Variants in ARHGEF28 observed in about 807,000 individuals in gnomAD.
ARHGEF28 encodes the protein 190 kDa guanine nucleotide exchange factor.
In ARHGEF28, 152 loss-of-function variants were observed where a neutral mutation model predicts 206.6. The ratio of observed to expected loss-of-function variants is 0.74; its 90% CI spans 0.64 to 0.84. The LOEUF is 0.84. Among genes scored for constraint, ARHGEF28 ranks in the 40% least tolerant of loss-of-function variants. The pLI is 0.00. For synonymous variants in ARHGEF28, 763 were observed against 776.4 expected, an observed-to-expected ratio of 0.98 and a Z score of 0.29; for missense variants, 2,028 against 2,073.2, an observed-to-expected ratio of 0.98 and a Z score of 0.42.
In ARHGEF28 at chr5:73,887,573, A is replaced by C. The variant is rs186943826; in HGVS notation, c.3311-30A>C. 492 of 1,497,554 alleles carry C rather than the reference A, an allele frequency of 3.3e-4. 3 individuals carry two copies. In the African/African-American group the frequency reaches 5.7e-3, roughly 17 times the overall value. 92.8% of individuals were successfully genotyped at this position (1,497,554 alleles called of 1,614,324 possible). ...GTTTATTTGAACTGTGGTTTGCTTC[A>C]TTAATACTAGTAATGTTTTTTCTTT... On this transcript the variant is annotated intron_variant, in intron 25 of 35. Coordinates refer to ENST00000513042, the MANE Select transcript of ARHGEF28 (RefSeq NM_001177693.2).
chr5:73,720,501 T>G (rs892988781), intron 2 of ARHGEF28, among the ~76,000 whole-genome samples: 1 of 152,034 alleles, frequency 6.6e-6, no homozygotes, highest in African/African-American at 2.4e-5. Context: ...ATCCAGGGAT[T>G]TCAGAGGTGA....
intron 35 of ARHGEF28, among the ~76,000 whole-genome samples, chr5:73,931,442 T>G (rs754274676): frequency 6.6e-5 from 10 of 152,158 alleles, no homozygotes; most frequent in Admixed American, 3.9e-4. Flanking sequence ...TTCTCTTCAG[T>G]TTTTTCTTAC....
At chr5:73,832,926 T>A (rs1450400612) in intron 10 of ARHGEF28, among the ~76,000 whole-genome samples, 1 of 152,226 alleles carries the variant, frequency 6.6e-6, no homozygotes, top group East Asian at 1.9e-4. Context: ...TCTATTAACA[T>A]GTAGTAAGAT....
chr5:73,742,748 C>T (rs974817326), intron 2 of ARHGEF28, among the ~76,000 whole-genome samples: 1 of 147,528 alleles, frequency 6.8e-6, no homozygotes, highest in Non-Finnish European at 1.5e-5. Context: ...GGCGTGAACC[C>T]GGGAAGCAGA....
chr5:73,732,528 T>C (rs1034646827), intron 2 of ARHGEF28, among the ~76,000 whole-genome samples: 2 of 152,244 alleles, frequency 1.3e-5, no homozygotes, highest in African/African-American at 4.8e-5. Context: ...TGAATAGAGC[T>C]GCTGTAAACA....
At chr5:73,918,445 G>A (rs867005968) in intron 35 of ARHGEF28, among the ~76,000 whole-genome samples, 11 of 152,266 alleles carry the variant, frequency 7.2e-5, no homozygotes, top group Middle Eastern at 6.8e-3. Flanking sequence ...TTCACCTTTG[G>A]GTGAATTAAT....
chr5:73,715,667 T>C (rs1334697604), intron 2 of ARHGEF28, among the ~76,000 whole-genome samples: 1 of 152,240 alleles, frequency 6.6e-6, no homozygotes, highest in Non-Finnish European at 1.5e-5. Context: ...AAATAGATTT[T>C]ACCTATAGCT....
At position 73,867,936 on chromosome 5, in the gene ARHGEF28, C is replaced by T; in HGVS notation, c.2213C>T (p.Pro738Leu). 1 of 1,613,988 alleles carries T rather than the reference C, an allele frequency of 6.2e-7. No individual in the cohort carries two copies. Among genetic ancestry groups the T allele is most frequent in the Non-Finnish European group, 8.5e-7 (1 of 1,179,876 alleles). The change falls in exon 19 of 36, where the codon CCT becomes CTT. Residue 738 changes from proline to leucine, a missense_variant. Coordinates refer to ENST00000513042, the MANE Select transcript of ARHGEF28 (RefSeq NM_001177693.2). ...GLSLHPSSSV[P>L]VGLPTGRRET... The stretch of plus-strand genomic sequence containing the variant: ...TCCTTGCACCCTTCTTCCTCCGTGC[C>T]TGTTGGATTGCCGACTGGAAGGAGG...
intron 9 of ARHGEF28, among the ~76,000 whole-genome samples, chr5:73,808,872 C>G (rs1755668541): frequency 6.6e-6 from 1 of 152,128 alleles, no homozygotes; most frequent in East Asian, 1.9e-4. Context: ...CTGTTTCTGT[C>G]TTGGTATAGT....
intron 9 of ARHGEF28, among the ~76,000 whole-genome samples, chr5:73,806,487 A>C (rs1755472928): frequency 7.9e-6 from 1 of 126,894 alleles, no homozygotes; most frequent in Non-Finnish European, 1.6e-5. Flanking sequence ...ATCTATATAT[A>C]GTATGTATAT....
intron 1 of ARHGEF28, among the ~76,000 whole-genome samples, chr5:73,639,564 T>C (rs1743942829): frequency 6.6e-6 from 1 of 152,158 alleles, no homozygotes. Flanking sequence ...AGCCATAGTC[T>C]CTTTATTGAA....
In ARHGEF28 at chr5:73,781,822, G is replaced by A. The variant is rs530729996; in HGVS notation, c.910+1077G>A. Among the ~76,000 whole-genome samples the A allele has an allele frequency of 2.0e-5, 3 of 152,162 alleles. No individual in the cohort carries two copies. The East Asian group carries it at 5.8e-4, about 29-fold the overall frequency. On this transcript the variant is annotated intron_variant, in intron 7 of 35. Coordinates refer to ENST00000513042, the MANE Select transcript of ARHGEF28 (RefSeq NM_001177693.2). ...TTATATTGATTTTTATTTTTAATTA[G>A]ACATGAAGATAAGGTTATATGTATC... is the stretch of plus-strand genomic sequence containing the variant.
chr5:73,727,701 C>T (rs889669405), intron 2 of ARHGEF28, among the ~76,000 whole-genome samples: 7 of 152,184 alleles, frequency 4.6e-5, no homozygotes, highest in Middle Eastern at 3.2e-3. Flanking sequence ...CTGTCATATC[C>T]TCTCGTTAAG....
At chr5:73,748,395 G>T (rs921638809) in intron 2 of ARHGEF28, among the ~76,000 whole-genome samples, 2 of 151,962 alleles carry the variant, frequency 1.3e-5, no homozygotes, top group African/African-American at 2.4e-5. Flanking sequence ...CATAATTTCC[G>T]ATAACTGTGT....
At chr5:73,707,722 A>C (rs1749018334) in intron 2 of ARHGEF28, among the ~76,000 whole-genome samples, 1 of 152,162 alleles carries the variant, frequency 6.6e-6, no homozygotes. Flanking sequence ...TCTTGGAAGA[A>C]TCTCTCTCCA....
At chr5:73,760,614 T>A (rs974943973) in intron 4 of ARHGEF28, among the ~76,000 whole-genome samples, 1 of 152,250 alleles carries the variant, frequency 6.6e-6, no homozygotes, top group Non-Finnish European at 1.5e-5. Context: ...AAAATTGTTT[T>A]ACAGTTCTCA....
chr5:73,809,127 C>A (rs2112514381), intron 9 of ARHGEF28, among the ~76,000 whole-genome samples: 1 of 151,970 alleles, frequency 6.6e-6, no homozygotes. Context: ...ATCACTGGAG[C>A]CTGGATGGCG....
intron 7 of ARHGEF28, among the ~76,000 whole-genome samples, chr5:73,791,839 AC>A (rs1394679035): frequency 6.6e-6 from 1 of 152,152 alleles, no homozygotes; most frequent in Admixed American, 6.5e-5. Flanking sequence ...AGTAATCCTT[AC>A]TTCTGGGTGG....
chr5:73,783,345 AGTGTG>A (rs1434582253), intron 7 of ARHGEF28, among the ~76,000 whole-genome samples: 1 of 145,812 alleles, frequency 6.9e-6, no homozygotes, highest in African/African-American at 2.5e-5. Flanking sequence ...CCTGGAATAT[AGTGTG>A]TGTGTGTGTG....
Sources: allele counts gnomAD v4.1 joint callset (sites outside exome capture counted in the v4.1 genomes callset), GRCh38; gene constraint gnomAD v4.1.1; transcripts MANE v1.5; gene names NCBI Gene and HGNC (gene_info 2026-07-23, HGNC 2026-07-21).